DMXL2: variants seen among roughly 807,000 people sequenced by gnomAD.
The protein encoded by DMXL2 is dmX-like protein 2.
DMXL2 carries 103 observed loss-of-function variants against 331.1 expected under a neutral mutation model. The observed-to-expected ratio is 0.31, with a 90% CI of 0.27 to 0.37. The LOEUF is 0.37. Ranked by LOEUF, DMXL2 falls within the 10% of genes least tolerant of loss-of-function variation. The pLI, the probability that DMXL2 is intolerant of heterozygous loss-of-function variation, is 1.00. For synonymous variants in DMXL2, 1,281 were observed against 1,252.1 expected (o/e 1.02, Z -0.49); for missense variants, 3,171 against 3,642.9 (o/e 0.87, Z 3.33).
At chr15:51,463,266 G>C (rs1185687360) in intron 33 of DMXL2, 113 bp downstream of exon 33, 2 of 643,204 alleles carry the variant, frequency 3.1e-6, no homozygotes, top group Non-Finnish European at 5.3e-6. Context: ...AGTGAACTTT[G>C]ACTATTACCC....
intron 6 of DMXL2, among the ~76,000 whole-genome samples, chr15:51,560,527 A>G (rs1432012200): frequency 2.0e-5 from 3 of 150,092 alleles, no homozygotes; most frequent in Non-Finnish European, 4.5e-5. Flanking sequence ...AAAAAAAAAA[A>G]AAAACTAGCC....
At chr15:51,546,616 T>C (rs1596206025) in intron 7 of DMXL2, among the ~76,000 whole-genome samples, 1 of 152,110 alleles carries the variant, frequency 6.6e-6, no homozygotes, top group East Asian at 1.9e-4. Context: ...ATCATTTGTA[T>C]AAGCTTTTTT....
At chr15:51,579,509 C>A (rs1449245402) in intron 1 of DMXL2, among the ~76,000 whole-genome samples, 2 of 152,162 alleles carry the variant, frequency 1.3e-5, no homozygotes, top group African/African-American at 4.8e-5. Flanking sequence ...TTCATCAGAG[C>A]AAGGACCTTA....
intron 1 of DMXL2, among the ~76,000 whole-genome samples, chr15:51,609,031 T>C (rs998079180): frequency 3.3e-5 from 5 of 152,250 alleles, no homozygotes; most frequent in Admixed American, 1.3e-4. Flanking sequence ...TAAAAAGCAA[T>C]ACAAAAGGTT....
chr15:51,550,529 C>T (rs1215873083), intron 6 of DMXL2, among the ~76,000 whole-genome samples: 1 of 152,040 alleles, frequency 6.6e-6, no homozygotes, highest in African/African-American at 2.4e-5. Flanking sequence ...TTACTCTTAG[C>T]AATTTTAAAA....
intron 13 of DMXL2, among the ~76,000 whole-genome samples, chr15:51,522,781 TG>T (rs1196959025): frequency 1.3e-5 from 2 of 152,250 alleles, no homozygotes; most frequent in Admixed American, 1.3e-4. Context: ...CCATAGCTAC[TG>T]GAACAACTAT....
intron 23 of DMXL2, among the ~76,000 whole-genome samples, chr15:51,485,069 A>T (rs2042296822): frequency 6.6e-6 from 1 of 151,410 alleles, no homozygotes. Flanking sequence ...GGAGGAACAG[A>T]AAAAAAAGAA....
At chr15:51,614,767 A>T (rs1284105503) in intron 1 of DMXL2, among the ~76,000 whole-genome samples, 2 of 152,156 alleles carry the variant, frequency 1.3e-5, no homozygotes. Context: ...CATTGCAGGC[A>T]CTCAGGTTTT....
chr15:51,488,759 A>T, intron 20 of DMXL2, 114 bp from the exon 21 acceptor site: 1 of 904,720 alleles, frequency 1.1e-6, no homozygotes, highest in Admixed American at 2.8e-5. Flanking sequence ...TGGAGACAGA[A>T]AAAGTTGGTT....
At chr15:51,564,307 GAAAT>G in intron 4 of DMXL2, 47 bp from the exon 5 acceptor site, 6 of 1,403,292 alleles carry the variant, frequency 4.3e-6, no homozygotes, top group Non-Finnish European at 5.7e-6. Flanking sequence ...ATTATATAGG[GAAAT>G]AAATGCACAT....
chr15:51,622,154 C>T (rs2054682336), intron 1 of DMXL2, among the ~76,000 whole-genome samples: 1 of 152,232 alleles, frequency 6.6e-6, no homozygotes, highest in African/African-American at 2.4e-5. Context: ...TTTCCTCCAC[C>T]GCAGACCGAA....
chr15:51,455,324 A>G (rs184885962), intron 39 of DMXL2, 96 bp from the exon 40 acceptor site: 32 of 983,466 alleles, frequency 3.3e-5, no homozygotes, highest in African/African-American at 1.8e-4. Context: ...TACTAAATAA[A>G]CATTCTGCCT....
At chr15:51,598,279 T>C (rs1315023648) in intron 1 of DMXL2, among the ~76,000 whole-genome samples, 1 of 152,240 alleles carries the variant, frequency 6.6e-6, no homozygotes, top group Non-Finnish European at 1.5e-5. Flanking sequence ...GTTAATATTT[T>C]ACATCTGCTT....
In DMXL2 at chr15:51,575,785, G is replaced by T. The variant is rs531581851; in HGVS notation, c.213+271C>A. On this transcript the variant is annotated intron_variant, in intron 2 of 43. Transcript: ENST00000560891. ...CTTACTGGCTTAATGGCTGCTAGAA[G>T]TATTAACTGGCAGAATATCAGTATG... is the stretch of plus-strand genomic sequence containing the variant. 3.9e-5 allele frequency among the ~76,000 whole-genome samples: 6 copies of T among 152,226 alleles called. No individual in the cohort carries two copies. The East Asian group carries it at 9.6e-4, about 24-fold the overall frequency.
At chr15:51,530,013 T>A (rs2047910513) in intron 13 of DMXL2, among the ~76,000 whole-genome samples, 1 of 152,140 alleles carries the variant, frequency 6.6e-6, no homozygotes, top group Admixed American at 6.5e-5. Flanking sequence ...GACAAAAATT[T>A]TTTAGCATCA....
At chr15:51,458,874 T>G (rs1490126460) in intron 34 of DMXL2, 79 bp from the exon 35 acceptor site, 3 of 1,221,686 alleles carry the variant, frequency 2.5e-6, no homozygotes, top group Non-Finnish European at 3.5e-6. Context: ...AAGATTTAAA[T>G]GTAGGATAAG....
At chr15:51,577,591 G>A (rs1275509043) in intron 1 of DMXL2, among the ~76,000 whole-genome samples, 1 of 152,154 alleles carries the variant, frequency 6.6e-6, no homozygotes, top group Non-Finnish European at 1.5e-5. Flanking sequence ...CCAAACTGAA[G>A]GGGAATATTG....
At chr15:51,621,842 C>G (rs2054649582) in intron 1 of DMXL2, among the ~76,000 whole-genome samples, 1 of 152,102 alleles carries the variant, frequency 6.6e-6, no homozygotes, top group African/African-American at 2.4e-5. Flanking sequence ...GCCACTGTGA[C>G]TCTAACCTTT....
chr15:51,538,429 T>C lies in DMXL2; in HGVS notation c.1129A>G (p.Thr377Ala), dbSNP rs2048401962. The stretch of plus-strand genomic sequence containing the variant: ...TTTCCATCATCAACATTAAATGCAG[T>C]GCCAACCAAGACATTTGGAATATCT... ...ATDIPNVLVG[T>A]AFNVDDGNGG... is the part of the protein sequence containing the mutation. The change falls in exon 10 of 44, where the codon ACT becomes GCT. Residue 377 changes from threonine (T) to alanine (A), a missense_variant. Physicochemically the swap from Thr to Ala is moderately conservative, Grantham distance 58. Around this residue, in one of 7 missense-constraint regions of DMXL2, gnomAD observed 1,674 missense variants for 1,780.2 expected, o/e 0.94. Transcript: ENST00000560891. 1 of 1,609,666 alleles carries C rather than the reference T, an allele frequency of 6.2e-7. No homozygotes were observed. The highest frequency in any genetic ancestry group is 2.2e-5 in the East Asian group (1 of 44,784).
Sources: allele counts gnomAD v4.1 joint callset (sites outside exome capture counted in the v4.1 genomes callset), GRCh38; gene constraint gnomAD v4.1.1; regional missense constraint gnomAD v4.1.1; transcripts MANE v1.5; gene names NCBI Gene and HGNC (gene_info 2026-07-23, HGNC 2026-07-21).